RASA2: variants seen among roughly 807,000 people sequenced by gnomAD.
RASA2 encodes ras GTPase-activating protein 2.
A neutral mutation model predicts 118.2 loss-of-function variants in RASA2; 155 were observed. The ratio of observed to expected loss-of-function variants is 1.31; its 90% CI spans 1.15 to 1.50. The LOEUF (loss-of-function observed/expected upper bound fraction) is 1.50. Ranked by LOEUF, RASA2 falls within the 40% of genes most tolerant of loss-of-function variation. RASA2 has a pLI of 0.00. For synonymous variants in RASA2, 353 were observed against 349.1 expected (o/e 1.01, Z -0.12); for missense variants, 1,016 against 1,009.6 (o/e 1.01, Z -0.09).
chr3:141,577,234 T>A, intron 15 of RASA2, 128 bp downstream of exon 15: 1 of 685,634 alleles, frequency 1.5e-6, no homozygotes. Flanking sequence ...TTACTCAGCA[T>A]TTTTCTTGGC....
chr3:141,555,959 TAATGCTAGTTGATTTCTTTTTTCAAACC>T, intron 7 of RASA2, 47 bp downstream of exon 7: 1 of 1,390,142 alleles, frequency 7.2e-7, no homozygotes. Context: ...ATGTAATATT[TAATGCTAGTTGATTTCTTTTTTCAAACC>T]ACAGTCATAG....
At chr3:141,540,053 T>C (rs2082385178) in intron 4 of RASA2, among the ~76,000 whole-genome samples, 1 of 152,150 alleles carries the variant, frequency 6.6e-6, no homozygotes, top group Admixed American at 6.6e-5. Context: ...CATAAATCTT[T>C]ATTGTTTGAT....
chr3:141,614,246 A>G lies in RASA2; in HGVS notation c.*1933A>G, dbSNP rs1232142181. 2 of 152,186 alleles carry G rather than the reference A, an allele frequency of 1.3e-5. No homozygotes were observed. The highest frequency in any genetic ancestry group is 2.9e-5 in the Non-Finnish European group (2 of 68,022). 9.4% of individuals were successfully genotyped at this position (152,186 alleles called of 1,614,324 possible). On this transcript the variant is annotated 3_prime_UTR_variant, in exon 24 of 24. Transcript: ENST00000286364. ...ACAGGGACCAAGGCTGTGTGCATAT[A>G]TAACTCTGGATTTGAAAGGAGGAGA...
At chr3:141,528,143 A>C (rs1577686305) in intron 3 of RASA2, among the ~76,000 whole-genome samples, 1 of 151,920 alleles carries the variant, frequency 6.6e-6, no homozygotes, top group Non-Finnish European at 1.5e-5. Flanking sequence ...GTATTTTTTT[A>C]ATACAGTTAC....
At chr3:141,490,721 G>T (rs1307922289) in intron 1 of RASA2, among the ~76,000 whole-genome samples, 2 of 152,182 alleles carry the variant, frequency 1.3e-5, no homozygotes, top group Non-Finnish European at 2.9e-5. Flanking sequence ...ATAGGGTATG[G>T]TTAAGTGCTT....
At chr3:141,547,255 G>A (rs113552006) in intron 5 of RASA2, among the ~76,000 whole-genome samples, 3,361 of 152,030 alleles carry the variant, frequency 0.022, 130 homozygotes, top group African/African-American at 0.076. Context: ...TGGTATTTCA[G>A]TAGGGATTGC....
At chr3:141,562,832 C>A (rs1242769549) in intron 9 of RASA2, among the ~76,000 whole-genome samples, 1 of 151,908 alleles carries the variant, frequency 6.6e-6, no homozygotes, top group Non-Finnish European at 1.5e-5. Flanking sequence ...GCCACCACAC[C>A]CAGCTAATTT....
At chr3:141,502,196 T>A (rs139971063) in intron 1 of RASA2, among the ~76,000 whole-genome samples, 1 of 152,206 alleles carries the variant, frequency 6.6e-6, no homozygotes, top group African/African-American at 2.4e-5. Flanking sequence ...CGATCTGTAT[T>A]AGAACATTAT....
At chr3:141,566,682 G>GT (rs1352233639) in intron 9 of RASA2, among the ~76,000 whole-genome samples, 9 of 152,158 alleles carry the variant, frequency 5.9e-5, no homozygotes, top group Non-Finnish European at 1.0e-4. Context: ...GGGAGAGTGA[G>GT]TGAAGGTATG....
At position 141,571,499 on chromosome 3, in the gene RASA2, G is replaced by A; in HGVS notation, c.1114G>A (p.Asp372Asn). 6.2e-7 allele frequency: 1 copy of A among 1,612,964 alleles called. No individual in the cohort carries two copies. The highest frequency in any genetic ancestry group is 8.5e-7 in the Non-Finnish European group (1 of 1,179,368). The change falls in exon 11 of 24, where the codon GAT (aspartate) becomes AAT (asparagine). Residue 372 changes from aspartate to asparagine, a missense_variant. By Grantham distance (23) the Asp-to-Asn change is conservative (BLOSUM62 1). This residue lies in a region of RASA2 where 896 missense variants were observed against 836.4 expected (regional missense o/e 1.07). Transcript: ENST00000286364. ...CCTTGTACGACTGCTGCTGCACCATGATAAACTTGTTCCTTTTGCCACTGC... is the reference window on the plus strand; with the variant it reads ...CCTTGTACGACTGCTGCTGCACCATAATAAACTTGTTCCTTTTGCCACTGC... ...LPLVRLLLHH[D>N]KLVPFATAVA...
At chr3:141,526,251 C>G (rs145272983) in intron 3 of RASA2, 3 of 152,270 alleles carry the variant, frequency 2.0e-5, no homozygotes, top group African/African-American at 7.2e-5. Flanking sequence ...CAGTTCAGTG[C>G]TCTTTCCACT....
chr3:141,501,547 C>A (rs955922723), intron 1 of RASA2, among the ~76,000 whole-genome samples: 4 of 152,212 alleles, frequency 2.6e-5, no homozygotes, highest in African/African-American at 9.6e-5. Flanking sequence ...TAAGGACATA[C>A]AGATAGTTAA....
intron 19 of RASA2, among the ~76,000 whole-genome samples, chr3:141,593,630 G>A (rs2083319141): frequency 6.6e-6 from 1 of 152,176 alleles, no homozygotes; most frequent in African/African-American, 2.4e-5. Context: ...AAAAAGATGA[G>A]CAGAGACTTC....
intron 19 of RASA2, among the ~76,000 whole-genome samples, chr3:141,604,125 G>T (rs929073505): frequency 6.6e-6 from 1 of 152,126 alleles, no homozygotes; most frequent in Non-Finnish European, 1.5e-5. Context: ...AGTTAATAGG[G>T]TATTTCTGTT....
intron 15 of RASA2, among the ~76,000 whole-genome samples, chr3:141,577,793 A>C (rs2083037401): frequency 6.6e-6 from 1 of 152,194 alleles, no homozygotes; most frequent in Non-Finnish European, 1.5e-5. Context: ...CTGAGGTAAT[A>C]CTGTAAACAT....
intron 19 of RASA2, among the ~76,000 whole-genome samples, chr3:141,599,984 G>A (rs561162393): frequency 6.6e-6 from 1 of 152,236 alleles, no homozygotes; most frequent in East Asian, 1.9e-4. Flanking sequence ...TTAAATACCA[G>A]ATACATTTTT....
chr3:141,531,906 A>G (rs1176334550), intron 4 of RASA2, among the ~76,000 whole-genome samples: 1 of 152,084 alleles, frequency 6.6e-6, no homozygotes, highest in Non-Finnish European at 1.5e-5. Context: ...CATGGTTCAT[A>G]CAAATCCTAC....
intron 4 of RASA2, among the ~76,000 whole-genome samples, chr3:141,537,406 T>G (rs73238084): frequency 3.0e-4 from 46 of 152,354 alleles, no homozygotes; most frequent in Non-Finnish European, 5.7e-4. Context: ...TCTAACTTTT[T>G]TATTTCATTC....
chr3:141,536,455 A>G (rs2082326946), intron 4 of RASA2, among the ~76,000 whole-genome samples: 1 of 152,208 alleles, frequency 6.6e-6, no homozygotes, highest in African/African-American at 2.4e-5. Context: ...CCATATCAGT[A>G]CGAGAGTAGT....
Sources: allele counts gnomAD v4.1 joint callset (sites outside exome capture counted in the v4.1 genomes callset), GRCh38; gene constraint gnomAD v4.1.1; regional missense constraint gnomAD v4.1.1; transcripts MANE v1.5; gene names NCBI Gene and HGNC (gene_info 2026-07-23, HGNC 2026-07-21).